TGFA: variants seen among roughly 807,000 people sequenced by gnomAD.
The protein encoded by TGFA is protransforming growth factor alpha.
In TGFA, 12 loss-of-function variants were observed where a neutral mutation model predicts 21.7. That is an observed-to-expected ratio of 0.55 (90% confidence interval 0.35 to 0.90). The LOEUF (loss-of-function observed/expected upper bound fraction) is 0.90, where lower values mean the gene tolerates loss of function less well. Among genes scored for constraint, TGFA ranks in the 40% least tolerant of loss-of-function variants. The pLI, the probability that TGFA is intolerant of heterozygous loss-of-function variation, is 0.01. For synonymous variants in TGFA, 79 were observed against 88.1 expected (o/e 0.90, Z 0.58); for missense variants, 178 against 210.8 (o/e 0.84, Z 0.96).
rs59567780 is a variant in TGFA, at chr2:70,521,613, G to GTTT, written c.41-6704_41-6702dup. Among the ~76,000 whole-genome samples, 44 of 74,034 alleles carry GTTT rather than the reference G, an allele frequency of 5.9e-4. 1 individual carries two copies. Among genetic ancestry groups the GTTT allele is most frequent in the African/African-American group, 1.4e-3 (34 of 23,736 alleles). 48.6% of individuals were successfully genotyped at this position (74,034 alleles called of 152,430 possible). A position where few individuals can be genotyped will look rare whatever the true frequency, so the allele number is the denominator to read the frequency against. On this transcript the variant is annotated intron_variant, in intron 1 of 5. Transcript: ENST00000295400. The stretch of plus-strand genomic sequence containing the variant: ...TTGATAGTTTTTTTTGTTGTTGTTT[G>GTTT]TTTGTTTTTTTTTTTTTTTTTTTTT...
At chr2:70,462,160 C>T (rs3771517) in intron 3 of TGFA, among the ~76,000 whole-genome samples, 89,482 of 152,044 alleles carry the variant, frequency 0.59, 26,718 homozygotes, top group African/African-American at 0.65. Flanking sequence ...TTCCCAGGGC[C>T]GGGCAAGTCA....
chr2:70,464,463 G>A (rs1238379626), intron 3 of TGFA, among the ~76,000 whole-genome samples: 1 of 152,106 alleles, frequency 6.6e-6, no homozygotes, highest in African/African-American at 2.4e-5. Context: ...TTAACTGGGG[G>A]GCAATTTTGC....
At chr2:70,546,396 A>G (rs1673304429) in intron 1 of TGFA, among the ~76,000 whole-genome samples, 1 of 152,184 alleles carries the variant, frequency 6.6e-6, no homozygotes, top group Non-Finnish European at 1.5e-5. Flanking sequence ...GATTTGGGGT[A>G]CAATTCATTG....
chr2:70,527,916 C>A (rs1672688561), intron 1 of TGFA, among the ~76,000 whole-genome samples: 1 of 152,232 alleles, frequency 6.6e-6, no homozygotes. Flanking sequence ...GAAGCCATGG[C>A]AGGGGCAGCT....
At chr2:70,477,359 AT>A (rs1670970192) in intron 2 of TGFA, among the ~76,000 whole-genome samples, 1 of 152,236 alleles carries the variant, frequency 6.6e-6, no homozygotes, top group Non-Finnish European at 1.5e-5. Flanking sequence ...AAACAACAAA[AT>A]CCCAAAAGAG....
intron 2 of TGFA, among the ~76,000 whole-genome samples, chr2:70,497,105 A>C (rs1671600119): frequency 6.6e-6 from 1 of 152,228 alleles, no homozygotes; most frequent in Admixed American, 6.5e-5. Flanking sequence ...GACATGATAC[A>C]TCTGGGAAAA....
intron 3 of TGFA, among the ~76,000 whole-genome samples, chr2:70,460,721 C>T (rs1188091594): frequency 6.6e-6 from 1 of 152,192 alleles, no homozygotes; most frequent in Non-Finnish European, 1.5e-5. Context: ...GCCCTACTTA[C>T]ATACTCCTTC....
chr2:70,552,721 G>A (rs1214393859), intron 1 of TGFA, among the ~76,000 whole-genome samples: 2 of 152,356 alleles, frequency 1.3e-5, no homozygotes, highest in East Asian at 1.9e-4. Context: ...GCATTTCTGG[G>A]GAGGAGTTCC....
At chr2:70,460,361 G>A (rs868918146) in intron 3 of TGFA, among the ~76,000 whole-genome samples, 28 of 137,308 alleles carry the variant, frequency 2.0e-4, no homozygotes, top group African/African-American at 7.7e-4. Flanking sequence ...AAAAGAAAAA[G>A]GTTTGGTGAC....
At chr2:70,551,662 CAT>C (rs1484672879) in intron 1 of TGFA, among the ~76,000 whole-genome samples, 10 of 151,774 alleles carry the variant, frequency 6.6e-5, no homozygotes, top group African/African-American at 2.2e-4. Flanking sequence ...CTTTTAAAGA[CAT>C]ATAAATAAAA....
At chr2:70,466,103 A>C (rs1553492192) in intron 2 of TGFA, among the ~76,000 whole-genome samples, 2 of 152,262 alleles carry the variant, frequency 1.3e-5, no homozygotes, top group Admixed American at 1.3e-4. Context: ...TTTGAAAGCA[A>C]GAGAATGGAA....
chr2:70,466,663 C>T (rs62149640), intron 2 of TGFA, among the ~76,000 whole-genome samples: 26,138 of 152,134 alleles, frequency 0.17, 2,354 homozygotes, highest in African/African-American at 0.2. Context: ...ATAAAGATTA[C>T]TTAGAGTCCC....
At chr2:70,514,072 T>C (rs542752589) in intron 2 of TGFA, among the ~76,000 whole-genome samples, 11 of 152,182 alleles carry the variant, frequency 7.2e-5, no homozygotes, top group Non-Finnish European at 1.5e-4. Flanking sequence ...CTTAAGAAAC[T>C]AGAGCCACCG....
rs185716847 is a variant in TGFA at position 70,494,067 on chromosome 2, A to G, written c.94+20792T>C. Among the ~76,000 whole-genome samples, 4 of 152,276 alleles carry G rather than the reference A, an allele frequency of 2.6e-5. No homozygotes were observed. In the East Asian group the frequency reaches 7.7e-4, roughly 29 times the overall value. ...CCAGGAGGGATGGTTCCCTCTGGAGATTGTAGGGGAGAATCTGTTTCATCT... is the reference window on the plus strand; with the variant it reads ...CCAGGAGGGATGGTTCCCTCTGGAGGTTGTAGGGGAGAATCTGTTTCATCT... On this transcript the variant is annotated intron_variant, in intron 2 of 5. Coordinates refer to ENST00000295400, the MANE Select transcript of TGFA (RefSeq NM_003236.4).
chr2:70,524,577 T>C (rs1312559508), intron 1 of TGFA, among the ~76,000 whole-genome samples: 1 of 152,176 alleles, frequency 6.6e-6, no homozygotes, highest in Non-Finnish European at 1.5e-5. Context: ...AGTTCTGAGG[T>C]TGCAGAGAAG....
In TGFA at chr2:70,447,972, C is replaced by T. The variant is rs1439153248; in HGVS notation, c.*2887G>A. 6.6e-6 allele frequency: 1 copy of T among 152,236 alleles called. No individual in the cohort carries two copies. Among genetic ancestry groups the T allele is most frequent in the Admixed American group, 6.5e-5 (1 of 15,280 alleles). The allele number at this position is 152,236 out of a possible 1,614,324, so 9.4% of individuals were successfully genotyped here. ...GAAGATAACAGGCAGTTTTCTGTACCTGCAAAACACAATCCCTTGAGAAGC... is the reference window on the plus strand; with the variant it reads ...GAAGATAACAGGCAGTTTTCTGTACTTGCAAAACACAATCCCTTGAGAAGC... On this transcript the variant is annotated 3_prime_UTR_variant, in exon 6 of 6. Coordinates refer to ENST00000295400, the MANE Select transcript of TGFA (RefSeq NM_003236.4).
chr2:70,516,960 C>T (rs1553501664), intron 1 of TGFA, among the ~76,000 whole-genome samples: 3 of 152,236 alleles, frequency 2.0e-5, no homozygotes, highest in African/African-American at 7.2e-5. Flanking sequence ...TTCCTGGGCT[C>T]CATGTTGGCC....
chr2:70,496,891 A>G (rs1671592354), intron 2 of TGFA, among the ~76,000 whole-genome samples: 1 of 152,250 alleles, frequency 6.6e-6, no homozygotes, highest in African/African-American at 2.4e-5. Flanking sequence ...AAATCATTAT[A>G]GACAGCACTG....
At chr2:70,488,754 A>G (rs1671341406) in intron 2 of TGFA, among the ~76,000 whole-genome samples, 1 of 152,222 alleles carries the variant, frequency 6.6e-6, no homozygotes, top group Non-Finnish European at 1.5e-5. Context: ...TTATACATCA[A>G]GTTAGAGATA....
Sources: allele counts gnomAD v4.1 joint callset (sites outside exome capture counted in the v4.1 genomes callset), GRCh38; gene constraint gnomAD v4.1.1; transcripts MANE v1.5; gene names NCBI Gene and HGNC (gene_info 2026-07-23, HGNC 2026-07-21).